USP47: variants seen among roughly 807,000 people sequenced by gnomAD.
The protein encoded by USP47 is ubiquitin carboxyl-terminal hydrolase 47.
In USP47, 35 loss-of-function variants were observed where a neutral mutation model predicts 165.1. The ratio of observed to expected loss-of-function variants is 0.21; its 90% CI spans 0.16 to 0.28. USP47 has a LOEUF of 0.28. Ranked by LOEUF, USP47 falls within the 10% of genes least tolerant of loss-of-function variation. The pLI is 1.00. For synonymous variants in USP47, 531 were observed against 544.5 expected (o/e 0.98, Z 0.35); for missense variants, 1,277 against 1,607.4 (o/e 0.79, Z 3.52).
At chr11:11,844,293 A>G (rs1848306502) in intron 1 of USP47, among the ~76,000 whole-genome samples, 2 of 152,048 alleles carry the variant, frequency 1.3e-5, no homozygotes, top group African/African-American at 4.8e-5. Flanking sequence ...TGTTTGTCCT[A>G]TCTGCCCACT....
intron 1 of USP47, among the ~76,000 whole-genome samples, chr11:11,873,299 T>C (rs1180083652): frequency 6.6e-6 from 1 of 152,188 alleles, no homozygotes; most frequent in Non-Finnish European, 1.5e-5. Context: ...TAGGTTACTT[T>C]TATTTCCTTT....
At chr11:11,912,079 G>T (rs1002670113) in intron 8 of USP47, among the ~76,000 whole-genome samples, 1 of 151,266 alleles carries the variant, frequency 6.6e-6, no homozygotes, top group East Asian at 1.9e-4. Context: ...AAGCAATACC[G>T]AGAGGGAAAC....
At chr11:11,904,711 C>G (rs1193444556) in intron 7 of USP47, among the ~76,000 whole-genome samples, 1 of 152,092 alleles carries the variant, frequency 6.6e-6, no homozygotes, top group African/African-American at 2.4e-5. Flanking sequence ...GTCAGAAAAG[C>G]CCTAGTTAAC....
Position 11,946,795 on chromosome 11 carries a change from A to T in USP47, c.3092-1150A>T, listed in dbSNP as rs185088162. ...CTGCCTCAAAACTCAAAAGGTAGATAGTAAATAAAGCTCATCACCCTCTTC... is the reference window on the plus strand; with the variant it reads ...CTGCCTCAAAACTCAAAAGGTAGATTGTAAATAAAGCTCATCACCCTCTTC... On this transcript the variant is annotated intron_variant, in intron 20 of 27. Transcript: ENST00000527733. Among the ~76,000 whole-genome samples, 195 of 152,340 alleles carry T rather than the reference A, an allele frequency of 1.3e-3. 1 individual carries two copies. Among genetic ancestry groups the T allele is most frequent in the South Asian group, 2.9e-3 (14 of 4,834 alleles).
intron 1 of USP47, among the ~76,000 whole-genome samples, chr11:11,867,001 G>A (rs988851326): frequency 1.3e-4 from 20 of 152,138 alleles, no homozygotes; most frequent in South Asian, 2.1e-4. Flanking sequence ...AGGTTCAAGC[G>A]ATTCTCCTGC....
intron 11 of USP47, among the ~76,000 whole-genome samples, chr11:11,924,573 T>A (rs1432524608): frequency 6.6e-6 from 1 of 152,158 alleles, no homozygotes; most frequent in African/African-American, 2.4e-5. Context: ...CCAGAGAAAT[T>A]ATCTGGGCCT....
At chr11:11,940,310 A>G in intron 18 of USP47, 119 bp from the exon 19 acceptor site, 1 of 1,064,268 alleles carries the variant, frequency 9.4e-7, no homozygotes, top group Non-Finnish European at 1.3e-6. Context: ...CTCTACTAAA[A>G]TTATGTTTCT....
Position 11,930,815 on chromosome 11 carries a change from G to A in USP47, c.1651+64G>A, listed in dbSNP as rs1016444575. The A allele has an allele frequency of 3.7e-6, 5 of 1,360,546 alleles. No individual in the cohort carries two copies. In the African/African-American group the frequency reaches 4.4e-5, roughly 12 times the overall value. 84.3% of individuals were successfully genotyped at this position (1,360,546 alleles called of 1,614,324 possible). On this transcript the variant is annotated intron_variant, in intron 14 of 27. Transcript: ENST00000527733. ...ATAAACTAATTTCTTTTGTAAGTTT[G>A]CAAACCCAGATAACTACTTTTAAAT... is the stretch of plus-strand genomic sequence containing the variant.
At chr11:11,899,822 A>G (rs2082845961) in intron 5 of USP47, among the ~76,000 whole-genome samples, 1 of 152,190 alleles carries the variant, frequency 6.6e-6, no homozygotes, top group Admixed American at 6.5e-5. Context: ...AGTGAAGTTT[A>G]TAGCAGGTGG....
intron 8 of USP47, among the ~76,000 whole-genome samples, chr11:11,919,603 C>T (rs1241889256): frequency 6.6e-6 from 1 of 151,848 alleles, no homozygotes; most frequent in Non-Finnish European, 1.5e-5. Context: ...GGAACAGTAT[C>T]TCACACACAC....
intron 8 of USP47, among the ~76,000 whole-genome samples, chr11:11,919,615 C>T (rs185043821): frequency 6.6e-6 from 1 of 151,940 alleles, no homozygotes; most frequent in Non-Finnish European, 1.5e-5. Context: ...CACACACACA[C>T]AGAAGGTTGC....
chr11:11,942,530 G>A lies in USP47; in HGVS notation c.2509G>A (p.Glu837Lys), dbSNP rs142548073. 630 of 1,613,620 alleles carry A rather than the reference G, an allele frequency of 3.9e-4. 8 individuals carry two copies. The East Asian group carries it at 0.013, about 34-fold the overall frequency. ...TTCTGGTAATGTGGATGATGACTGT[G>A]AAAGAGTCAAAGGACCTGTAGGAAG... ...GDSGNVDDDC[E>K]RVKGPVGSLK... Residue 837 changes from glutamate (E) to lysine (K), a missense_variant, in exon 20 of 28, where the codon GAA becomes AAA. Transcript: ENST00000527733.
chr11:11,910,541 G>A (rs952381216), intron 8 of USP47, among the ~76,000 whole-genome samples: 3 of 151,976 alleles, frequency 2.0e-5, no homozygotes, highest in Admixed American at 6.6e-5. Flanking sequence ...ACCTCCCAGG[G>A]GTAAAGAGGC....
chr11:11,888,009 A>G (rs576957521), intron 3 of USP47, among the ~76,000 whole-genome samples: 1 of 152,334 alleles, frequency 6.6e-6, no homozygotes, highest in African/African-American at 2.4e-5. Flanking sequence ...AGTTCTTTGA[A>G]ACTGATAAGA....
At chr11:11,864,582 G>A (rs900376885) in intron 1 of USP47, among the ~76,000 whole-genome samples, 2 of 151,324 alleles carry the variant, frequency 1.3e-5, no homozygotes, top group East Asian at 1.9e-4. Context: ...TTTCCATCTC[G>A]GTGAATTTGA....
intron 1 of USP47, among the ~76,000 whole-genome samples, chr11:11,852,837 C>T (rs1848803871): frequency 6.6e-6 from 1 of 152,136 alleles, no homozygotes; most frequent in Non-Finnish European, 1.5e-5. Flanking sequence ...CAGTTTTGTA[C>T]AAACCACATT....
intron 8 of USP47, among the ~76,000 whole-genome samples, chr11:11,905,932 CTT>C (rs1289067769): frequency 6.6e-6 from 1 of 151,788 alleles, no homozygotes; most frequent in Non-Finnish European, 1.5e-5. Flanking sequence ...GATCCATACA[CTT>C]TTAAAATTGG....
chr11:11,929,992 A>C, intron 12 of USP47, 52 bp from the exon 13 acceptor site: 1 of 1,372,354 alleles, frequency 7.3e-7, no homozygotes, highest in Non-Finnish European at 1.0e-6. Flanking sequence ...TATTGACGTT[A>C]ATGTGATAGT....
chr11:11,860,407 G>T (rs560008490), intron 1 of USP47, among the ~76,000 whole-genome samples: 2 of 152,222 alleles, frequency 1.3e-5, no homozygotes, highest in South Asian at 2.1e-4. Flanking sequence ...TTTTGACTCT[G>T]CAGTCCATTG....
Sources: gnomAD v4.1 joint callset for allele counts (sites outside exome capture counted in the v4.1 genomes callset) on GRCh38, gnomAD v4.1.1 for gene constraint, MANE v1.5 for transcripts, NCBI Gene and HGNC (gene_info 2026-07-23, HGNC 2026-07-21) for gene names.